Variants in G2E3 observed in about 807,000 individuals in gnomAD.
G2E3 encodes G2/M-phase specific E3 ubiquitin protein ligase.
In G2E3, 35 loss-of-function variants were observed where a neutral mutation model predicts 92.8. That is an observed-to-expected ratio of 0.38 (90% CI 0.29 to 0.50). The LOEUF (loss-of-function observed/expected upper bound fraction) is 0.50, where lower values mean the gene tolerates loss of function less well. Among genes scored for constraint, G2E3 ranks in the 20% least tolerant of loss-of-function variants. G2E3 has a pLI of 0.94. For synonymous variants in G2E3, 242 were observed against 272.4 expected, an observed-to-expected ratio of 0.89 and a Z score of 1.10; for missense variants, 554 against 823.8, an observed-to-expected ratio of 0.67 and a Z score of 4.01.
At position 30,615,479 on chromosome 14, in the gene G2E3, C is replaced by T. The variant is rs764445890; in HGVS notation, c.1804C>T (p.His602Tyr). The change falls in exon 14 of 15, where the codon CAC (histidine) becomes TAC (tyrosine). Residue 602 changes from histidine to tyrosine, a missense_variant. By Grantham distance (83) the His-to-Tyr change is moderately conservative. This residue lies in a region of G2E3 where 397 missense variants were observed against 560.3 expected (regional missense o/e 0.71). Transcript: ENST00000206595. ...AKILSELFTV[H>Y]TLPDVKALGF... is the part of the protein sequence containing the mutation. ...AATCCTTAGTGAGCTTTTTACAGTACACACATTACCTGATGTGAAAGCTTT... is the reference window on the plus strand; with the variant it reads ...AATCCTTAGTGAGCTTTTTACAGTATACACATTACCTGATGTGAAAGCTTT... 2 of 1,609,998 alleles carry T rather than the reference C, an allele frequency of 1.2e-6. No individual in the cohort carries two copies. Among genetic ancestry groups the T allele is most frequent in the East Asian group, 2.2e-5 (1 of 44,680 alleles).
rs187839298 is a variant in G2E3, at chr14:30,564,864, T to C, written c.-5+5592T>C. Among the ~76,000 whole-genome samples, 300 of 152,336 alleles carry C rather than the reference T, an allele frequency of 2.0e-3. 1 individual carries two copies. Among genetic ancestry groups the C allele is most frequent in the African/African-American group, 7.0e-3 (290 of 41,566 alleles). On this transcript the variant is annotated intron_variant, in intron 1 of 14. Transcript: ENST00000206595. ...CACATTTTGTATATCCATTCATCAA[T>C]TGATGTATAATTAGGTTGTTTCTTT...
intron 1 of G2E3, among the ~76,000 whole-genome samples, chr14:30,577,236 A>AG (rs1351102627): frequency 1.3e-5 from 2 of 151,602 alleles, no homozygotes; most frequent in African/African-American, 4.9e-5. Flanking sequence ...AAAAAAAAAA[A>AG]AAAAAAAGAA....
intron 2 of G2E3, among the ~76,000 whole-genome samples, chr14:30,583,991 A>ACT (rs924484937): frequency 1.2e-4 from 18 of 152,066 alleles, no homozygotes; most frequent in Admixed American, 9.2e-4. Flanking sequence ...CTCAAAGGAA[A>ACT]CTCTGTACCT....
intron 2 of G2E3, among the ~76,000 whole-genome samples, chr14:30,584,972 C>T (rs1049920426): frequency 2.0e-5 from 3 of 151,816 alleles, no homozygotes; most frequent in African/African-American, 7.3e-5. Context: ...GCTGGGATTA[C>T]AGGCACACAC....
chr14:30,604,359 C>A lies in G2E3; in HGVS notation c.1011-1146C>A, dbSNP rs571293461. Among the ~76,000 whole-genome samples the A allele has an allele frequency of 3.3e-5, 5 of 152,342 alleles. No homozygotes were observed. The East Asian group carries it at 9.6e-4, about 29-fold the overall frequency. On this transcript the variant is annotated intron_variant, in intron 10 of 14. Coordinates refer to ENST00000206595, the MANE Select transcript of G2E3 (RefSeq NM_017769.5). The stretch of plus-strand genomic sequence containing the variant: ...CGTCTTGGGGTGGGACAGATTCATA[C>A]TTGGTATGGAAAATGATCCATGGGC...
At position 30,615,439 on chromosome 14, in the gene G2E3, G is replaced by A; in HGVS notation, c.1764G>A (p.Glu588=). The A allele has an allele frequency of 6.2e-7, 1 of 1,610,496 alleles. No individual in the cohort carries two copies. The highest frequency in any genetic ancestry group is 8.5e-7 in the Non-Finnish European group (1 of 1,176,964). Residue 588 remains glutamate (E), a synonymous_variant, in exon 14 of 15, where the codon GAG becomes GAA. Transcript: ENST00000206595. ...AFCSILCHKP[E]SLSAKILSEL... is the part of the protein sequence containing the mutation. ...GTAGCATCCTGTGTCATAAACCTGAGAGTCTTTCTGCAAAAATCCTTAGTG... is the reference window on the plus strand; with the variant it reads ...GTAGCATCCTGTGTCATAAACCTGAAAGTCTTTCTGCAAAAATCCTTAGTG...
chr14:30,609,897 C>A (rs1314237776), intron 12 of G2E3, among the ~76,000 whole-genome samples: 6 of 152,208 alleles, frequency 3.9e-5, no homozygotes, highest in Admixed American at 2.0e-4. Flanking sequence ...CCTTTCCTTC[C>A]TGTTTCTAGT....
At chr14:30,595,103 A>G (rs1881217168) in intron 6 of G2E3, among the ~76,000 whole-genome samples, 1 of 152,026 alleles carries the variant, frequency 6.6e-6, no homozygotes, top group Non-Finnish European at 1.5e-5. Context: ...GCACCACTGC[A>G]CTCCTGTCTG....
intron 3 of G2E3, among the ~76,000 whole-genome samples, chr14:30,589,114 T>TTTTCTTTTTC (rs753958561): frequency 1.2e-4 from 18 of 152,040 alleles, no homozygotes; most frequent in Non-Finnish European, 1.8e-4. Context: ...CTTTCCTATC[T>TTTTCTTTTTC]TTTCTTTTTC....
intron 13 of G2E3, among the ~76,000 whole-genome samples, chr14:30,614,000 T>C (rs1237415150): frequency 6.6e-6 from 1 of 152,128 alleles, no homozygotes; most frequent in African/African-American, 2.4e-5. Flanking sequence ...GCATTTTCAT[T>C]TTTTATTTTT....
At chr14:30,568,447 G>A (rs549887944) in intron 1 of G2E3, among the ~76,000 whole-genome samples, 71 of 152,022 alleles carry the variant, frequency 4.7e-4, no homozygotes, top group African/African-American at 1.3e-3. Context: ...TTTAGTATTT[G>A]TTTTCTAAAT....
At chr14:30,577,092 G>A (rs1217434039) in intron 1 of G2E3, among the ~76,000 whole-genome samples, 2 of 151,976 alleles carry the variant, frequency 1.3e-5, no homozygotes, top group Non-Finnish European at 2.9e-5. Context: ...AGGCGTGGTG[G>A]CGTATGCCTG....
At chr14:30,568,103 G>C (rs1879545737) in intron 1 of G2E3, among the ~76,000 whole-genome samples, 1 of 152,012 alleles carries the variant, frequency 6.6e-6, no homozygotes, top group African/African-American at 2.4e-5. Context: ...CTTATTAGGT[G>C]GGTTTGTGTT....
chr14:30,586,658 A>G (rs1017470779), intron 2 of G2E3, 60 bp from the exon 3 acceptor site: 3 of 584,164 alleles, frequency 5.1e-6, no homozygotes, highest in Non-Finnish European at 8.8e-6. Context: ...CACCAATTCC[A>G]TAGGGTTTTT....
chr14:30,601,797 T>C lies in G2E3; in HGVS notation c.780T>C (p.Cys260=). ...DSKWEIKRCQ[C]CGSSGTHLAC... ...AATGGGAAATAAAGCGCTGTCAGTG[T>C]TGTGGTTCCAGTGGCACACATTTAG... Residue 260 remains cysteine, a synonymous_variant, in exon 9 of 15, where the codon TGT becomes TGC. Coordinates refer to ENST00000206595, the MANE Select transcript of G2E3 (RefSeq NM_017769.5). 6.2e-7 allele frequency: 1 copy of C among 1,614,058 alleles called. No homozygotes were observed. Among genetic ancestry groups the C allele is most frequent in the Admixed American group, 1.7e-5 (1 of 60,016 alleles).
In G2E3 at chr14:30,617,869, A is replaced by C. The variant is rs547613455; in HGVS notation, c.*1335A>C. 8 of 152,064 alleles carry C rather than the reference A, an allele frequency of 5.3e-5. No individual in the cohort carries two copies. Among genetic ancestry groups the C allele is most frequent in the Non-Finnish European group, 7.4e-5 (5 of 67,948 alleles). The allele number at this position is 152,064 out of a possible 1,614,324, so 9.4% of individuals were successfully genotyped here. Reference sequence around the variant, plus strand: ...CACAGAAGAAAAAATTGGAAAACAAAGTCTGATGTCCTTAATCTATTAACA... The same window carrying C: ...CACAGAAGAAAAAATTGGAAAACAACGTCTGATGTCCTTAATCTATTAACA... On this transcript the variant is annotated 3_prime_UTR_variant, in exon 15 of 15. Coordinates refer to ENST00000206595, the MANE Select transcript of G2E3 (RefSeq NM_017769.5).
In G2E3 at chr14:30,616,651, A is replaced by C. The variant is rs1441705156; in HGVS notation, c.*117A>C. 2.7e-6 allele frequency: 2 copies of C among 746,868 alleles called. No homozygotes were observed. The highest frequency in any genetic ancestry group is 4.3e-6 in the Non-Finnish European group (2 of 463,116). 46.3% of individuals were successfully genotyped at this position (746,868 alleles called of 1,614,324 possible). A position where few individuals can be genotyped will look rare whatever the true frequency, so the allele number is the denominator to read the frequency against. ...AACTAGTTAGCTTCTTGACCTAATA[A>C]AATTTATGATATGAATATAAAGGAA... is the stretch of plus-strand genomic sequence containing the variant. On this transcript the variant is annotated 3_prime_UTR_variant, in exon 15 of 15. Coordinates refer to ENST00000206595, the MANE Select transcript of G2E3 (RefSeq NM_017769.5).
rs1426375393 is a variant in G2E3, at chr14:30,593,470, T to G, written c.363-4T>G. On this transcript the variant is annotated splice_region_variant and splice_polypyrimidine_tract_variant and intron_variant, in intron 5 of 14. Transcript: ENST00000206595. ...GATTTTTTTAAAATAATTTACATTT[T>G]TAGGTCATTTTGTTGGGACCATCGA... 2 of 1,428,312 alleles carry G rather than the reference T, an allele frequency of 1.4e-6. No individual in the cohort carries two copies. The highest frequency in any genetic ancestry group is 1.9e-6 in the Non-Finnish European group (2 of 1,040,632). 88.5% of individuals were successfully genotyped at this position (1,428,312 alleles called of 1,614,324 possible).
chr14:30,604,399 G>T (rs774806797), intron 10 of G2E3, among the ~76,000 whole-genome samples: 2 of 152,194 alleles, frequency 1.3e-5, no homozygotes, highest in East Asian at 3.8e-4. Flanking sequence ...CCCAAAACAA[G>T]ATTATTTTTG....
Sources: allele counts gnomAD v4.1 joint callset (sites outside exome capture counted in the v4.1 genomes callset), GRCh38; gene constraint gnomAD v4.1.1; regional missense constraint gnomAD v4.1.1; transcripts MANE v1.5; gene names NCBI Gene and HGNC (gene_info 2026-07-23, HGNC 2026-07-21).